The following SAMD4B variants were observed in gnomAD, a reference collection of about 807,000 sequenced individuals.
The protein encoded by SAMD4B is protein Smaug homolog 2.
A neutral mutation model predicts 74.5 loss-of-function variants in SAMD4B; 5 were observed. That is an observed-to-expected ratio of 0.07 (90% CI 0.04 to 0.14). The LOEUF (loss-of-function observed/expected upper bound fraction) is 0.14. Among genes scored for constraint, SAMD4B ranks in the 10% least tolerant of loss-of-function variants. The pLI, the probability that SAMD4B is intolerant of heterozygous loss-of-function variation, is 1.00. For missense variants in SAMD4B, 608 were observed against 921.8 expected (o/e 0.66, Z 4.41); for synonymous variants, 373 against 374.9 (o/e 1.00, Z 0.06).
At chr19:39,380,811 G>T in intron 11 of SAMD4B, 26 bp downstream of exon 11, 1 of 1,515,084 alleles carries the variant, frequency 6.6e-7, no homozygotes, top group East Asian at 2.3e-5. Flanking sequence ...GCAGGGGCCT[G>T]GCCTCCTGGG....
chr19:39,352,874 A>G (rs1242014956), intron 1 of SAMD4B, among the ~76,000 whole-genome samples: 1 of 152,122 alleles, frequency 6.6e-6, no homozygotes, highest in Non-Finnish European at 1.5e-5. Context: ...TTTTTGCTGT[A>G]AATGCTGTTG....
rs1430036388 is a variant in SAMD4B, at chr19:39,385,591, G to A, written c.*2064G>A. 2.0e-6 allele frequency: 1 copy of A among 502,482 alleles called. No homozygotes were observed. Among genetic ancestry groups the A allele is most frequent in the African/African-American group, 2.0e-5 (1 of 51,188 alleles). 31.1% of individuals were successfully genotyped at this position (502,482 alleles called of 1,614,324 possible). A position where few individuals can be genotyped will look rare whatever the true frequency, so the allele number is the denominator to read the frequency against. On this transcript the variant is annotated 3_prime_UTR_variant, in exon 14 of 14. Coordinates refer to ENST00000610417, the MANE Select transcript of SAMD4B (RefSeq NM_001384574.2). ...GCCCCACTGGCAGAATCAGCTTTGA[G>A]TAACTGTACAGTTTTTCTCGCTGTT...
chr19:39,355,034 G>A lies in SAMD4B; in HGVS notation c.-206+968G>A, dbSNP rs538573974. 1.6e-4 allele frequency among the ~76,000 whole-genome samples: 25 copies of A among 152,134 alleles called. No homozygotes were observed. The East Asian group carries it at 2.7e-3, about 16-fold the overall frequency. ...ATTACAGGCGTGCAGTAGCACGCCCGGCTAATTTTTGTATTTTTAGTAGAG... is the reference window on the plus strand; with the variant it reads ...ATTACAGGCGTGCAGTAGCACGCCCAGCTAATTTTTGTATTTTTAGTAGAG... On this transcript the variant is annotated intron_variant, in intron 2 of 13. Transcript: ENST00000610417.
At chr19:39,382,111 C>G (rs1024967392) in intron 12 of SAMD4B, among the ~76,000 whole-genome samples, 4 of 152,304 alleles carry the variant, frequency 2.6e-5, no homozygotes, top group African/African-American at 9.6e-5. Context: ...TTGCAGAATT[C>G]ATGTCATAAA....
intron 3 of SAMD4B, among the ~76,000 whole-genome samples, chr19:39,358,273 A>G (rs1201878242): frequency 1.3e-5 from 2 of 152,196 alleles, no homozygotes; most frequent in African/African-American, 4.8e-5. Context: ...CTCTATCTCA[A>G]ACAAACAAAC....
rs544113628 is a variant in SAMD4B at position 39,381,146 on chromosome 19, C to T, written c.1972+33C>T. 9 of 1,552,854 alleles carry T rather than the reference C, an allele frequency of 5.8e-6. No homozygotes were observed. In the East Asian group the frequency reaches 1.8e-4, roughly 31 times the overall value. ...GCCCCACCCTTGGGACTCTGCCTGGCCAACATCCTCAGCTGACCTTTCTTT... is the reference window on the plus strand; with the variant it reads ...GCCCCACCCTTGGGACTCTGCCTGGTCAACATCCTCAGCTGACCTTTCTTT... On this transcript the variant is annotated intron_variant, in intron 12 of 13. Coordinates refer to ENST00000610417, the MANE Select transcript of SAMD4B (RefSeq NM_001384574.2).
Position 39,375,989 on chromosome 19 carries a change from AG to A in SAMD4B, c.907+102del. 6.9e-7 allele frequency: 1 copy of A among 1,451,028 alleles called. No individual in the cohort carries two copies. Among genetic ancestry groups the A allele is most frequent in the Non-Finnish European group, 9.3e-7 (1 of 1,075,002 alleles). 89.9% of individuals were successfully genotyped at this position (1,451,028 alleles called of 1,614,324 possible). A position where few individuals can be genotyped will look rare whatever the true frequency, so the allele number is the denominator to read the frequency against. On this transcript the variant is annotated intron_variant, in intron 5 of 13. Transcript: ENST00000610417. The surrounding 1 kb of genome is among the most constrained non-coding windows in gnomAD (Gnocchi z 4.1). Reference sequence around the variant, plus strand: ...TAGCTGACACCTGCTTACCCCTCTGAGGAGGGGACATGTCTGAGGGGAGTAG... The same window carrying A: ...TAGCTGACACCTGCTTACCCCTCTGAGAGGGGACATGTCTGAGGGGAGTAG...
intron 3 of SAMD4B, chr19:39,360,165 G>A (rs1361418609): frequency 3.3e-5 from 5 of 150,184 alleles, no homozygotes; most frequent in East Asian, 3.9e-4. Context: ...CAGCCTGGGC[G>A]ACAGAGCAAG....
chr19:39,385,620 G>T lies in SAMD4B; in HGVS notation c.*2093G>T, dbSNP rs1409108839. On this transcript the variant is annotated 3_prime_UTR_variant, in exon 14 of 14. Transcript: ENST00000610417. ...CTGTACAGTTTTTCTCGCTGTTGGA[G>T]AAGACTTATTTGTTGGAGTTTCACT... is the stretch of plus-strand genomic sequence containing the variant. 3 of 512,914 alleles carry T rather than the reference G, an allele frequency of 5.8e-6. No individual in the cohort carries two copies. Among genetic ancestry groups the T allele is most frequent in the Non-Finnish European group, 1.0e-5 (3 of 293,850 alleles). The allele number at this position is 512,914 out of a possible 1,614,324, so 31.8% of individuals were successfully genotyped here. A position where few individuals can be genotyped will look rare whatever the true frequency, so the allele number is the denominator to read the frequency against.
intron 1 of SAMD4B, among the ~76,000 whole-genome samples, chr19:39,344,496 C>T (rs1385996609): frequency 1.3e-5 from 2 of 152,192 alleles, no homozygotes; most frequent in Non-Finnish European, 2.9e-5. Flanking sequence ...CCACTCCCAG[C>T]GCTTCCTGAG....
At chr19:39,380,500 C>T in intron 10 of SAMD4B, 87 bp from the exon 11 acceptor site, 1 of 1,369,232 alleles carries the variant, frequency 7.3e-7, no homozygotes, top group Non-Finnish European at 1.0e-6. Context: ...TCTCCTACAA[C>T]TTGGGGTTGT....
intron 3 of SAMD4B, 129 bp from the exon 4 acceptor site, chr19:39,369,526 G>T (rs1840968067): frequency 1.4e-6 from 1 of 716,748 alleles, no homozygotes; most frequent in Non-Finnish European, 2.3e-6. Context: ...ATAAGTTTGG[G>T]AGTTATGAAA....
intron 3 of SAMD4B, among the ~76,000 whole-genome samples, chr19:39,366,332 A>G (rs1257154400): frequency 6.6e-6 from 1 of 151,946 alleles, no homozygotes; most frequent in Non-Finnish European, 1.5e-5. Context: ...ATAGCCAGGC[A>G]TGGTGGTGCA....
At chr19:39,363,089 C>T (rs1401511133) in intron 3 of SAMD4B, among the ~76,000 whole-genome samples, 1 of 152,132 alleles carries the variant, frequency 6.6e-6, no homozygotes, top group East Asian at 1.9e-4. Flanking sequence ...TTGCACCAGG[C>T]CAGTACATAA....
intron 3 of SAMD4B, among the ~76,000 whole-genome samples, chr19:39,364,516 A>G (rs1225639530): frequency 1.3e-5 from 2 of 152,194 alleles, no homozygotes; most frequent in African/African-American, 4.8e-5. Context: ...TGCCCAGGCC[A>G]CTGTGTGTTT....
At chr19:39,354,527 T>C (rs944726301) in intron 2 of SAMD4B, among the ~76,000 whole-genome samples, 1 of 152,246 alleles carries the variant, frequency 6.6e-6, no homozygotes, top group Non-Finnish European at 1.5e-5. Flanking sequence ...AAATATATAT[T>C]GAGCACCTTC....
At chr19:39,343,180 C>T (rs747308744) in intron 1 of SAMD4B, among the ~76,000 whole-genome samples, 10 of 151,936 alleles carry the variant, frequency 6.6e-5, no homozygotes, top group Non-Finnish European at 1.2e-4. Context: ...TTCCAGAACT[C>T]TCCCCCGGAG....
rs759737546 is a variant in SAMD4B at position 39,377,625 on chromosome 19, G to C, written c.1245G>C (p.Pro415=). Residue 415 remains proline, a synonymous_variant, in exon 8 of 14, where the codon CCG becomes CCC. Transcript: ENST00000610417. Reference sequence around the variant, plus strand: ...CCCCTACTGCCAAGGATGGGGCCCCGGGGGAACCACCGCTGCCAGGTGCTG... The same window carrying C: ...CCCCTACTGCCAAGGATGGGGCCCCCGGGGAACCACCGCTGCCAGGTGCTG... The part of the protein sequence containing the change: ...TTTPTAKDGA[P]GEPPLPGAEP... 3 of 1,613,836 alleles carry C rather than the reference G, an allele frequency of 1.9e-6. No homozygotes were observed. In the African/African-American group the frequency reaches 4.0e-5, roughly 22 times the overall value.
Position 39,375,007 on chromosome 19 carries a change from C to A in SAMD4B, c.668-643C>A, listed in dbSNP as rs577697902. Among the ~76,000 whole-genome samples the A allele has an allele frequency of 6.6e-6, 1 of 152,094 alleles. No individual in the cohort carries two copies. Among genetic ancestry groups the A allele is most frequent in the East Asian group, 1.9e-4 (1 of 5,184 alleles). On this transcript the variant is annotated intron_variant, in intron 4 of 13. Transcript: ENST00000610417. The surrounding 1 kb of genome is among the most constrained non-coding windows in gnomAD (Gnocchi z 4.1). ...GGTTCAGGGTAGGCCTCAGAGGAGG[C>A]GACACTTGAGATGAGACTTGAGGGA...
Sources: allele counts gnomAD v4.1 joint callset (sites outside exome capture counted in the v4.1 genomes callset), GRCh38; gene constraint gnomAD v4.1.1; non-coding constraint Gnocchi (gnomAD v3.1); transcripts MANE v1.5; gene names NCBI Gene and HGNC (gene_info 2026-07-23, HGNC 2026-07-21).